CCDC57: variants seen among roughly 807,000 people sequenced by gnomAD.
The protein encoded by CCDC57 is coiled-coil domain-containing protein 57.
In CCDC57, 118 loss-of-function variants were observed where a neutral mutation model predicts 118.9. That is an observed-to-expected ratio of 0.99 (90% CI 0.86 to 1.16). The LOEUF (loss-of-function observed/expected upper bound fraction) is 1.16, where lower values mean the gene tolerates loss of function less well. Among genes scored for constraint, CCDC57 ranks in the 50% most tolerant of loss-of-function variants. The pLI is 0.00. For synonymous variants in CCDC57, 527 were observed against 532.9 expected, an observed-to-expected ratio of 0.99 and a Z score of 0.15; for missense variants, 1,300 against 1,320.7, an observed-to-expected ratio of 0.98 and a Z score of 0.24.
intron 17 of CCDC57, among the ~76,000 whole-genome samples, chr17:82,129,280 C>T (rs74001549): frequency 2.0e-5 from 3 of 152,250 alleles, no homozygotes; most frequent in East Asian, 1.9e-4. Flanking sequence ...ATGTCTCCCC[C>T]CTTCTGGAGG....
chr17:82,172,660 A>G lies in CCDC57; in HGVS notation c.1707T>C (p.Ala569=). 6.4e-7 allele frequency: 1 copy of G among 1,551,298 alleles called. No homozygotes were observed. Among genetic ancestry groups the G allele is most frequent in the East Asian group, 2.4e-5 (1 of 41,146 alleles). Reference sequence around the variant, plus strand: ...CACCAGGAGTGGCGGCATCTCCCCCAGCCTCTGGGTCAGGCTGGTTTGCAT... The same window carrying G: ...CACCAGGAGTGGCGGCATCTCCCCCGGCCTCTGGGTCAGGCTGGTTTGCAT... The change falls in exon 12 of 20, where the codon GCT becomes GCC. Residue 569 remains alanine, a synonymous_variant. Coordinates refer to ENST00000665763, the Ensembl canonical transcript of CCDC57. This position sits in a 1 kb window ranked among gnomAD's most constrained non-coding sequence, Gnocchi z 5.2.
intron 9 of CCDC57, among the ~76,000 whole-genome samples, chr17:82,183,460 T>C (rs977067817): frequency 6.6e-6 from 1 of 152,066 alleles, no homozygotes; most frequent in African/African-American, 2.4e-5. Context: ...GCTGGGATTA[T>C]AGGTGTGAGC....
chr17:82,198,505 G>C, intron 3 of CCDC57, 83 bp from the exon 3 acceptor site: 1 of 945,298 alleles, frequency 1.1e-6, no homozygotes, highest in East Asian at 2.6e-5. Context: ...CTTGACATGT[G>C]AAAGTTGGTG....
intron 16 of CCDC57, among the ~76,000 whole-genome samples, chr17:82,136,507 G>A (rs1346483866): frequency 3.3e-5 from 5 of 150,536 alleles, no homozygotes; most frequent in Admixed American, 2.7e-4. Flanking sequence ...CATTCTTGAC[G>A]TGCTTAATGC....
chr17:82,123,400 A>G (rs2037004306), intron 19 of CCDC57, among the ~76,000 whole-genome samples: 1 of 150,762 alleles, frequency 6.6e-6, no homozygotes. Context: ...AAATGCTGCA[A>G]TTACAGGAGT....
intron 17 of CCDC57, among the ~76,000 whole-genome samples, chr17:82,129,075 T>G (rs2037914834): frequency 6.6e-6 from 1 of 152,116 alleles, no homozygotes; most frequent in Admixed American, 6.5e-5. Context: ...CCCACCACCA[T>G]GCCCGGCTAG....
chr17:82,181,745 A>G (rs964617455), intron 9 of CCDC57, among the ~76,000 whole-genome samples: 3 of 152,282 alleles, frequency 2.0e-5, no homozygotes, highest in Non-Finnish European at 2.9e-5. Flanking sequence ...ATGTATAAAA[A>G]AGTCTAAATA....
intron 16 of CCDC57, among the ~76,000 whole-genome samples, chr17:82,148,315 AAATGGGTGGGTG>A (rs2041188215): frequency 1.4e-5 from 1 of 73,456 alleles, no homozygotes; most frequent in Non-Finnish European, 2.9e-5. Flanking sequence ...GTGAATGGAT[AAATGGGTGGGTG>A]GATGGATGGA....
chr17:82,206,244 A>G (rs1475176939), intron 2 of CCDC57, among the ~76,000 whole-genome samples: 1 of 152,258 alleles, frequency 6.6e-6, no homozygotes, highest in African/African-American at 2.4e-5. Flanking sequence ...CATTTTAAAA[A>G]TACTGAGCTG....
intron 9 of CCDC57, among the ~76,000 whole-genome samples, chr17:82,183,569 T>C (rs1170169891): frequency 6.6e-6 from 1 of 152,048 alleles, no homozygotes; most frequent in Admixed American, 6.6e-5. Flanking sequence ...CTGGCCATGC[T>C]CCCTCCAGCA....
intron 16 of CCDC57, among the ~76,000 whole-genome samples, chr17:82,148,175 ATAGG>A (rs2041141508): frequency 8.3e-6 from 1 of 120,302 alleles, no homozygotes; most frequent in Non-Finnish European, 1.7e-5. Flanking sequence ...GGATGAATAG[ATAGG>A]TGGGTGGATA....
chr17:82,144,894 A>G (rs2040496427), intron 16 of CCDC57, among the ~76,000 whole-genome samples: 1 of 152,220 alleles, frequency 6.6e-6, no homozygotes, highest in South Asian at 2.1e-4. Context: ...ATGACGATAA[A>G]ATACAAGTGG....
intron 16 of CCDC57, among the ~76,000 whole-genome samples, chr17:82,141,590 C>T (rs554820622): frequency 3.9e-5 from 6 of 152,292 alleles, no homozygotes; most frequent in African/African-American, 9.6e-5. Flanking sequence ...TTAGCACTCT[C>T]GCTGCACCTA....
intron 16 of CCDC57, among the ~76,000 whole-genome samples, chr17:82,143,119 C>T (rs1393168741): frequency 6.6e-6 from 1 of 150,666 alleles, no homozygotes; most frequent in Non-Finnish European, 1.5e-5. Context: ...CGCCATTGCA[C>T]TCTACAATGG....
chr17:82,172,579 C>A lies in CCDC57; in HGVS notation c.1729+59G>T. ...AGTCAAGACCCATGCTCCCGTCTGTCCTCCTCCCTCCCTCTCCCCCTTCCT... is the reference window on the plus strand; with the variant it reads ...AGTCAAGACCCATGCTCCCGTCTGTACTCCTCCCTCCCTCTCCCCCTTCCT... On this transcript the variant is annotated intron_variant, in intron 12 of 19. Transcript: ENST00000665763. The surrounding 1 kb of genome is among the most constrained non-coding windows in gnomAD (Gnocchi z 5.2). 7.0e-7 allele frequency: 1 copy of A among 1,432,808 alleles called. No individual in the cohort carries two copies. The highest frequency in any genetic ancestry group is 1.2e-5 in the South Asian group (1 of 81,646). 88.8% of individuals were successfully genotyped at this position (1,432,808 alleles called of 1,614,324 possible).
intron 3 of CCDC57, 53 bp downstream of exon 2, chr17:82,201,485 G>A: frequency 1.3e-6 from 2 of 1,493,856 alleles, no homozygotes; most frequent in South Asian, 1.3e-5. Context: ...CAGGAGGCAT[G>A]TGGGGGCCTC....
intron 7 of CCDC57, among the ~76,000 whole-genome samples, chr17:82,189,309 A>T (rs11867440): frequency 0.48 from 72,345 of 151,960 alleles, 18,009 homozygotes; most frequent in East Asian, 0.88. Flanking sequence ...TAAATAAAAA[A>T]TTTAAAAAGA....
intron 19 of CCDC57, among the ~76,000 whole-genome samples, chr17:82,120,196 G>T (rs142765901): frequency 6.8e-6 from 1 of 146,920 alleles, no homozygotes; most frequent in Non-Finnish European, 1.5e-5. Context: ...CAGAGATGTT[G>T]CCCAGGCTGG....
At chr17:82,195,671 C>T (rs1348255537) in intron 4 of CCDC57, among the ~76,000 whole-genome samples, 1 of 151,990 alleles carries the variant, frequency 6.6e-6, no homozygotes, top group Non-Finnish European at 1.5e-5. Flanking sequence ...GTCAATTCTA[C>T]CTCTGACAAT....
Sources: gnomAD v4.1 joint callset for allele counts (sites outside exome capture counted in the v4.1 genomes callset) on GRCh38, gnomAD v4.1.1 for gene constraint, Gnocchi (gnomAD v3.1) non-coding constraint, MANE v1.5 for transcripts, NCBI Gene and HGNC (gene_info 2026-07-23, HGNC 2026-07-21) for gene names.